The following FAM117B variants were observed in gnomAD, a reference collection of about 807,000 sequenced individuals.
FAM117B encodes the protein protein FAM117B.
A neutral mutation model predicts 52.8 loss-of-function variants in FAM117B; 22 were observed. That is an observed-to-expected ratio of 0.42 (90% CI 0.30 to 0.59). The LOEUF is 0.59. Among genes scored for constraint, FAM117B ranks in the 20% least tolerant of loss-of-function variants. The pLI is 0.22. For missense variants in FAM117B, 678 were observed against 802.6 expected, an observed-to-expected ratio of 0.84 and a Z score of 1.88; for synonymous variants, 309 against 324.1, an observed-to-expected ratio of 0.95 and a Z score of 0.50.
At chr2:202,708,122 G>A (rs907153262) in intron 2 of FAM117B, among the ~76,000 whole-genome samples, 13 of 152,020 alleles carry the variant, frequency 8.6e-5, no homozygotes, top group African/African-American at 2.9e-4. Context: ...AATTTTACGC[G>A]TACAATACAG....
intron 2 of FAM117B, among the ~76,000 whole-genome samples, chr2:202,723,315 T>C (rs910845467): frequency 4.6e-5 from 7 of 152,212 alleles, no homozygotes; most frequent in Non-Finnish European, 7.3e-5. Context: ...GCAAAAGATA[T>C]TCAAACTGCA....
At chr2:202,694,662 C>T (rs554355013) in intron 1 of FAM117B, among the ~76,000 whole-genome samples, 2 of 152,170 alleles carry the variant, frequency 1.3e-5, no homozygotes, top group Non-Finnish European at 2.9e-5. Flanking sequence ...GAAATGAAAC[C>T]TACCCCTGTT....
At chr2:202,699,433 A>G (rs1559104935) in intron 2 of FAM117B, among the ~76,000 whole-genome samples, 3 of 134,336 alleles carry the variant, frequency 2.2e-5, no homozygotes, top group African/African-American at 6.0e-5. Context: ...TCTCAAAAAA[A>G]AAAAAAAAAA....
chr2:202,713,963 T>C (rs1690997137), intron 2 of FAM117B, among the ~76,000 whole-genome samples: 1 of 152,234 alleles, frequency 6.6e-6, no homozygotes. Flanking sequence ...TGCCTTGGCC[T>C]CCCCAAGTGC....
intron 4 of FAM117B, among the ~76,000 whole-genome samples, chr2:202,739,084 G>A (rs1365218277): frequency 6.6e-6 from 1 of 152,164 alleles, no homozygotes; most frequent in Non-Finnish European, 1.5e-5. Context: ...AGCTACTCAG[G>A]AAGCTGAGGC....
chr2:202,733,332 C>T (rs1053916951), intron 4 of FAM117B, among the ~76,000 whole-genome samples: 6 of 152,150 alleles, frequency 3.9e-5, no homozygotes, highest in Non-Finnish European at 7.3e-5. Flanking sequence ...TCTTGATAAA[C>T]GTCTTAAACA....
At chr2:202,690,485 G>A (rs181674463) in intron 1 of FAM117B, among the ~76,000 whole-genome samples, 98 of 152,284 alleles carry the variant, frequency 6.4e-4, no homozygotes, top group Middle Eastern at 3.4e-3. Flanking sequence ...GCTCTGTACC[G>A]GAACACAGGA....
intron 4 of FAM117B, among the ~76,000 whole-genome samples, chr2:202,739,014 C>A (rs1691483042): frequency 6.6e-6 from 1 of 152,162 alleles, no homozygotes; most frequent in Admixed American, 6.5e-5. Context: ...TATGGTAAAA[C>A]CTTGTCTGTA....
chr2:202,699,910 G>T (rs1411781492), intron 2 of FAM117B, among the ~76,000 whole-genome samples: 1 of 152,106 alleles, frequency 6.6e-6, no homozygotes, highest in African/African-American at 2.4e-5. Context: ...CAATATTTCA[G>T]CCATTTGCAT....
chr2:202,672,616 T>C (rs1478999534), intron 1 of FAM117B, among the ~76,000 whole-genome samples: 1 of 152,248 alleles, frequency 6.6e-6, no homozygotes, highest in Non-Finnish European at 1.5e-5. Flanking sequence ...CACATTCTTA[T>C]ATAAGTCATT....
At chr2:202,717,286 C>G (rs916991227) in intron 2 of FAM117B, among the ~76,000 whole-genome samples, 2 of 152,128 alleles carry the variant, frequency 1.3e-5, no homozygotes, top group African/African-American at 4.8e-5. Flanking sequence ...GCCTGGGTAA[C>G]ATGGTGAAAT....
chr2:202,706,198 G>T (rs942744103), intron 2 of FAM117B, among the ~76,000 whole-genome samples: 1 of 152,074 alleles, frequency 6.6e-6, no homozygotes, highest in Admixed American at 6.5e-5. Flanking sequence ...TCTCTTTCCT[G>T]TTTCTTTGGT....
At chr2:202,744,267 C>CCA (rs1691595589) in intron 4 of FAM117B, among the ~76,000 whole-genome samples, 2 of 152,268 alleles carry the variant, frequency 1.3e-5, no homozygotes, top group South Asian at 4.1e-4. Flanking sequence ...CAGACTGCAT[C>CCA]CACTCATGGC....
intron 4 of FAM117B, among the ~76,000 whole-genome samples, chr2:202,730,165 G>A (rs1351685793): frequency 6.6e-6 from 1 of 152,024 alleles, no homozygotes; most frequent in Admixed American, 6.6e-5. Flanking sequence ...TTTAAGGTGG[G>A]GTTTGTTAGT....
chr2:202,705,001 A>G (rs1224346656), intron 2 of FAM117B, among the ~76,000 whole-genome samples: 3 of 151,970 alleles, frequency 2.0e-5, no homozygotes, highest in Admixed American at 2.0e-4. Flanking sequence ...AGAAAGAGAA[A>G]TGCAGCATTT....
At chr2:202,702,957 T>C (rs992975351) in intron 2 of FAM117B, among the ~76,000 whole-genome samples, 1 of 152,224 alleles carries the variant, frequency 6.6e-6, no homozygotes, top group African/African-American at 2.4e-5. Flanking sequence ...ATAACTTCTA[T>C]ATGCACTGGG....
At chr2:202,688,261 A>G (rs561383315) in intron 1 of FAM117B, among the ~76,000 whole-genome samples, 9 of 152,306 alleles carry the variant, frequency 5.9e-5, no homozygotes, top group African/African-American at 2.2e-4. Flanking sequence ...ATAAATTCAC[A>G]TGGCAAATTC....
At chr2:202,635,857 T>C in intron 1 of FAM117B, 69 bp downstream of exon 1, 2 of 1,328,448 alleles carry the variant, frequency 1.5e-6, no homozygotes, top group Non-Finnish European at 1.9e-6. Context: ...CGCGCTGCAA[T>C]CGCGCGGGGA....
At chr2:202,761,957 G>A (rs923178842) in intron 7 of FAM117B, among the ~76,000 whole-genome samples, 5 of 150,880 alleles carry the variant, frequency 3.3e-5, no homozygotes, top group African/African-American at 7.3e-5. Context: ...TTTTAATCAC[G>A]TTCCAAAGAC....
Sources: allele counts gnomAD v4.1 joint callset (sites outside exome capture counted in the v4.1 genomes callset), GRCh38; gene constraint gnomAD v4.1.1; transcripts MANE v1.5; gene names NCBI Gene and HGNC (gene_info 2026-07-23, HGNC 2026-07-21).